The following ASH1L variants were observed in gnomAD, a reference collection of about 807,000 sequenced individuals.
The protein encoded by ASH1L is ASH1 like histone lysine methyltransferase.
A neutral mutation model predicts 269.0 loss-of-function variants in ASH1L; 23 were observed. The observed-to-expected ratio is 0.09, with a 90% CI of 0.06 to 0.12. The LOEUF (loss-of-function observed/expected upper bound fraction) is 0.12. Ranked by LOEUF, ASH1L falls within the 10% of genes least tolerant of loss-of-function variation. The pLI, the probability that ASH1L is intolerant of heterozygous loss-of-function variation, is 1.00. For synonymous variants in ASH1L, 1,187 were observed against 1,253.5 expected, an observed-to-expected ratio of 0.95 and a Z score of 1.12; for missense variants, 2,912 against 3,567.8, an observed-to-expected ratio of 0.82 and a Z score of 4.68.
At chr1:155,456,609 T>C (rs1331821488) in intron 4 of ASH1L, among the ~76,000 whole-genome samples, 5 of 152,140 alleles carry the variant, frequency 3.3e-5, no homozygotes, top group Non-Finnish European at 7.4e-5. Context: ...ATGATCTCTT[T>C]CACTGCCAAA....
intron 4 of ASH1L, among the ~76,000 whole-genome samples, chr1:155,447,882 C>T (rs1484118401): frequency 6.6e-6 from 1 of 152,030 alleles, no homozygotes; most frequent in African/African-American, 2.4e-5. Flanking sequence ...CACATTTATC[C>T]ATATTTGTTT....
chr1:155,461,808 T>G (rs987373600), intron 3 of ASH1L, among the ~76,000 whole-genome samples: 9 of 150,838 alleles, frequency 6.0e-5, no homozygotes, highest in South Asian at 2.1e-4. Flanking sequence ...GAGGGTTTTT[T>G]TTTTTTTTTT....
intron 6 of ASH1L, among the ~76,000 whole-genome samples, chr1:155,415,392 A>C (rs574868627): frequency 1.3e-5 from 2 of 151,906 alleles, no homozygotes; most frequent in African/African-American, 2.4e-5. Flanking sequence ...AAAAAAAAAA[A>C]AAAAAACAAA....
intron 1 of ASH1L, among the ~76,000 whole-genome samples, chr1:155,540,067 C>CAA (rs199663612): frequency 7.9e-5 from 11 of 138,820 alleles, no homozygotes; most frequent in Non-Finnish European, 1.7e-4. Flanking sequence ...GACCTTGTCT[C>CAA]AAAAAAAAAA....
chr1:155,420,743 G>T (rs536328853), intron 5 of ASH1L, among the ~76,000 whole-genome samples: 1 of 151,424 alleles, frequency 6.6e-6, no homozygotes, highest in African/African-American at 2.4e-5. Flanking sequence ...TCAGCTACTC[G>T]GGAGGCTGAG....
At chr1:155,421,595 C>T (rs1459347808) in intron 5 of ASH1L, among the ~76,000 whole-genome samples, 2 of 150,610 alleles carry the variant, frequency 1.3e-5, no homozygotes, top group South Asian at 2.1e-4. Flanking sequence ...GGCATGAACC[C>T]GGGAGGCAGA....
intron 1 of ASH1L, among the ~76,000 whole-genome samples, chr1:155,541,272 T>C (rs1436719606): frequency 6.6e-6 from 1 of 152,092 alleles, no homozygotes; most frequent in East Asian, 1.9e-4. Flanking sequence ...AACGTGTATA[T>C]AGATAAAAGA....
rs1665985026 is a variant in ASH1L at position 155,481,865 on chromosome 1, G to A, written c.1005C>T (p.Ser335=). The change falls in exon 3 of 28, where the codon AGC becomes AGT. Residue 335 remains serine (S), a synonymous_variant. Transcript: ENST00000392403. ...TTCCTAGCTTCTTTCCTGAATCTTTGCTTAGCAGTCCTACTGTAGTGATAG... is the reference window on the plus strand; with the variant it reads ...TTCCTAGCTTCTTTCCTGAATCTTTACTTAGCAGTCCTACTGTAGTGATAG... ...PGTITTVGLL[S]KDSGKKLGIG... The A allele has an allele frequency of 6.2e-7, 1 of 1,614,002 alleles. No individual in the cohort carries two copies. Among genetic ancestry groups the A allele is most frequent in the African/African-American group, 1.3e-5 (1 of 74,900 alleles).
chr1:155,386,820 T>C (rs938276440), intron 7 of ASH1L, among the ~76,000 whole-genome samples: 2 of 152,182 alleles, frequency 1.3e-5, no homozygotes, highest in African/African-American at 2.4e-5. Context: ...ACTCTGTTCA[T>C]AGTTTATTTT....
At chr1:155,374,614 T>C (rs556645612) in intron 10 of ASH1L, among the ~76,000 whole-genome samples, 9 of 152,216 alleles carry the variant, frequency 5.9e-5, no homozygotes, top group Non-Finnish European at 8.8e-5. Flanking sequence ...ATGAATATTA[T>C]TGAATACCCC....
At chr1:155,380,859 T>G (rs1483098965) in intron 7 of ASH1L, among the ~76,000 whole-genome samples, 1 of 151,680 alleles carries the variant, frequency 6.6e-6, no homozygotes, top group Non-Finnish European at 1.5e-5. Flanking sequence ...AGGCTGGTCT[T>G]GAACTCCTGA....
rs1182427369 is a variant in ASH1L at position 155,370,914 on chromosome 1, C to G, written c.6402G>C (p.Gln2134His). ...CGEQCCNQRI[Q>H]RHEWVQCLER... is the part of the protein sequence containing the mutation. ...CTAGACATTGCACCCATTCATGCCT[C>G]TGTATCCTCTGGTTACAGCATTGCT... The change falls in exon 11 of 28, where the codon CAG becomes CAC. Residue 2134 changes from glutamine to histidine, a missense_variant. This residue lies in a region of ASH1L where 193 missense variants were observed against 311.6 expected (regional missense o/e 0.62). Coordinates refer to ENST00000392403, the MANE Select transcript of ASH1L (RefSeq NM_018489.3). The G allele has an allele frequency of 1.2e-6, 2 of 1,614,182 alleles. No homozygotes were observed. The highest frequency in any genetic ancestry group is 1.7e-6 in the Non-Finnish European group (2 of 1,180,038).
rs1445792639 is a variant in ASH1L at position 155,378,600 on chromosome 1, A to C, written c.6178-52T>G. 3 of 1,414,416 alleles carry C rather than the reference A, an allele frequency of 2.1e-6. No individual in the cohort carries two copies. In the East Asian group the frequency reaches 6.8e-5, roughly 32 times the overall value. The allele number at this position is 1,414,416 out of a possible 1,614,324, so 87.6% of individuals were successfully genotyped here. ...TATAGCATTTAACTTCAAATGCCAGACGGCAGCATCAATCACTAAAAATAC... is the reference window on the plus strand; with the variant it reads ...TATAGCATTTAACTTCAAATGCCAGCCGGCAGCATCAATCACTAAAAATAC... On this transcript the variant is annotated intron_variant, in intron 8 of 27. Coordinates refer to ENST00000392403, the MANE Select transcript of ASH1L (RefSeq NM_018489.3).
chr1:155,493,463 C>G (rs1274809750), intron 2 of ASH1L, among the ~76,000 whole-genome samples: 1 of 152,156 alleles, frequency 6.6e-6, no homozygotes, highest in African/African-American at 2.4e-5. Context: ...TCTGCTGTTT[C>G]TTTTATTAAT....
chr1:155,562,817 T>G, upstream of ASH1L: 3 of 499,984 alleles, frequency 6.0e-6, no homozygotes, highest in Non-Finnish European at 1.1e-5. Flanking sequence ...CTCCTCCTCC[T>G]CCACCTCCTC....
intron 6 of ASH1L, among the ~76,000 whole-genome samples, chr1:155,401,409 C>T (rs1399872545): frequency 6.9e-6 from 1 of 145,314 alleles, no homozygotes; most frequent in Admixed American, 7.1e-5. Context: ...ACCTGGGAGG[C>T]GGAGATTGCA....
At chr1:155,496,597 A>G (rs1667170975) in intron 2 of ASH1L, among the ~76,000 whole-genome samples, 1 of 152,100 alleles carries the variant, frequency 6.6e-6, no homozygotes, top group Non-Finnish European at 1.5e-5. Flanking sequence ...CCATGTACTA[A>G]ATCCTCACGT....
chr1:155,554,390 A>G (rs1273733178), intron 1 of ASH1L, among the ~76,000 whole-genome samples: 1 of 152,012 alleles, frequency 6.6e-6, no homozygotes, highest in Non-Finnish European at 1.5e-5. Context: ...CTCCTGCCTC[A>G]GCCTCCCGAG....
intron 5 of ASH1L, among the ~76,000 whole-genome samples, chr1:155,424,197 T>C (rs934946428): frequency 7.2e-5 from 11 of 152,152 alleles, no homozygotes; most frequent in African/African-American, 2.7e-4. Context: ...ATTCAAGGTT[T>C]ATGGAATCGT....
Sources: allele counts gnomAD v4.1 joint callset (sites outside exome capture counted in the v4.1 genomes callset), GRCh38; gene constraint gnomAD v4.1.1; regional missense constraint gnomAD v4.1.1; transcripts MANE v1.5; gene names NCBI Gene and HGNC (gene_info 2026-07-23, HGNC 2026-07-21).